EYS: variants seen among roughly 807,000 people sequenced by gnomAD.
EYS encodes the protein protein eyes shut homolog.
A neutral mutation model predicts 282.1 loss-of-function variants in EYS; 250 were observed. The observed-to-expected ratio is 0.89, with a 90% CI of 0.80 to 0.98. The LOEUF is 0.98. EYS is among the 50% of genes least tolerant of loss of function. The pLI, the probability that EYS is intolerant of heterozygous loss-of-function variation, is 0.00. For missense variants in EYS, 4,016 were observed against 3,709.0 expected, an observed-to-expected ratio of 1.08 and a Z score of -2.15; for synonymous variants, 1,355 against 1,282.9, an observed-to-expected ratio of 1.06 and a Z score of -1.20.
intron 22 of EYS, among the ~76,000 whole-genome samples, chr6:64,801,272 G>A (rs72889110): frequency 0.012 from 1,780 of 152,096 alleles, 21 homozygotes; most frequent in Non-Finnish European, 0.016. Context: ...TTGATTTAAC[G>A]AAGATACACT....
chr6:64,984,572 G>A (rs529260428), intron 14 of EYS, among the ~76,000 whole-genome samples: 23 of 151,204 alleles, frequency 1.5e-4, no homozygotes, highest in African/African-American at 4.6e-4. Context: ...ATCAATTTTC[G>A]TGTACAAGAA....
At chr6:65,120,037 A>T (rs1362413026) in intron 12 of EYS, among the ~76,000 whole-genome samples, 2 of 151,492 alleles carry the variant, frequency 1.3e-5, no homozygotes, top group African/African-American at 4.9e-5. Flanking sequence ...CTGTAGTCCC[A>T]GCTACTCAGG....
intron 2 of EYS, among the ~76,000 whole-genome samples, chr6:65,612,684 T>A (rs969377523): frequency 6.6e-6 from 1 of 151,744 alleles, no homozygotes; most frequent in African/African-American, 2.4e-5. Context: ...AATCACTCAT[T>A]CTACAGTATT....
At chr6:63,968,682 A>T (rs187440788) in intron 35 of EYS, among the ~76,000 whole-genome samples, 1 of 152,308 alleles carries the variant, frequency 6.6e-6, no homozygotes, top group Non-Finnish European at 1.5e-5. Flanking sequence ...CGAAACTCTA[A>T]TAAAAGACTC....
intron 33 of EYS, among the ~76,000 whole-genome samples, chr6:64,035,421 T>C (rs971881494): frequency 6.6e-6 from 1 of 152,146 alleles, no homozygotes; most frequent in South Asian, 2.1e-4. Context: ...AGAAAGAAAC[T>C]AGGTAGGGCA....
intron 14 of EYS, among the ~76,000 whole-genome samples, chr6:64,993,794 A>C (rs1771157004): frequency 6.6e-6 from 1 of 151,170 alleles, no homozygotes; most frequent in South Asian, 2.1e-4. Flanking sequence ...GATGAAAGTA[A>C]AGGTAGTTTT....
intron 29 of EYS, among the ~76,000 whole-genome samples, chr6:64,336,594 T>C (rs574062064): frequency 1.1e-4 from 17 of 152,106 alleles, no homozygotes; most frequent in African/African-American, 3.6e-4. Context: ...AAAGAAACAA[T>C]GGATTTAAAT....
intron 22 of EYS, among the ~76,000 whole-genome samples, chr6:64,727,819 A>T (rs1771809299): frequency 6.6e-6 from 1 of 152,244 alleles, no homozygotes; most frequent in South Asian, 2.1e-4. Flanking sequence ...GATTTTGTAA[A>T]ATAACTCAGA....
intron 26 of EYS, among the ~76,000 whole-genome samples, chr6:64,558,390 A>C (rs1051926961): frequency 1.3e-4 from 20 of 152,070 alleles, no homozygotes; most frequent in Non-Finnish European, 1.2e-4. Context: ...TCTAGAGCAA[A>C]AGGTCAGTTG....
chr6:64,307,136 A>G (rs1314035823), intron 29 of EYS, 54 bp from the exon 30 acceptor site: 5 of 942,024 alleles, frequency 5.3e-6, no homozygotes, highest in Non-Finnish European at 8.2e-6. Context: ...ATTTTCTTGA[A>G]TATATTATTC....
intron 33 of EYS, among the ~76,000 whole-genome samples, chr6:64,000,713 C>T (rs1768056867): frequency 2.0e-5 from 3 of 152,094 alleles, no homozygotes; most frequent in Non-Finnish European, 4.4e-5. Flanking sequence ...AAAGGCGCAA[C>T]TGTGGGCTGG....
intron 5 of EYS, among the ~76,000 whole-genome samples, chr6:65,479,430 T>C (rs1311101360): frequency 6.6e-6 from 1 of 152,144 alleles, no homozygotes; most frequent in Non-Finnish European, 1.5e-5. Flanking sequence ...TTATAGAACC[T>C]CAAATTTGAT....
At chr6:64,132,482 C>A (rs1000112991) in intron 31 of EYS, among the ~76,000 whole-genome samples, 2 of 151,790 alleles carry the variant, frequency 1.3e-5, no homozygotes, top group African/African-American at 4.8e-5. Context: ...TCTTTTCTTG[C>A]AAGAGTTCAT....
intron 28 of EYS, among the ~76,000 whole-genome samples, chr6:64,425,392 C>T (rs758143831): frequency 6.6e-6 from 1 of 152,064 alleles, no homozygotes; most frequent in Non-Finnish European, 1.5e-5. Context: ...TGGTGGCTCA[C>T]GCCTGTAATC....
chr6:65,208,637 A>T (rs772286370), intron 12 of EYS, among the ~76,000 whole-genome samples: 1 of 151,888 alleles, frequency 6.6e-6, no homozygotes, highest in Admixed American at 6.6e-5. Flanking sequence ...GAATGAAGTC[A>T]TTTCCTTTGC....
At chr6:65,675,736 A>G (rs1768564789) in intron 1 of EYS, among the ~76,000 whole-genome samples, 1 of 151,912 alleles carries the variant, frequency 6.6e-6, no homozygotes, top group Non-Finnish European at 1.5e-5. Context: ...GAACAACACT[A>G]TAGTCTGATT....
chr6:63,842,515 T>A (rs1771988070), intron 36 of EYS, among the ~76,000 whole-genome samples: 1 of 152,222 alleles, frequency 6.6e-6, no homozygotes, highest in South Asian at 2.1e-4. Flanking sequence ...TAGCCCTTGA[T>A]CAGATGGATA....
intron 22 of EYS, among the ~76,000 whole-genome samples, chr6:64,638,288 A>G (rs1768038091): frequency 1.1e-5 from 1 of 92,138 alleles, no homozygotes; most frequent in Non-Finnish European, 2.4e-5. Context: ...CTTATTCCTG[A>G]AAGTGTTTAG....
At chr6:65,209,185 C>T (rs1766111187) in intron 12 of EYS, among the ~76,000 whole-genome samples, 1 of 150,908 alleles carries the variant, frequency 6.6e-6, no homozygotes, top group African/African-American at 2.4e-5. Context: ...ATAGTTTTCA[C>T]AAAATGGTTG....
Sources: gnomAD v4.1 joint callset for allele counts (sites outside exome capture counted in the v4.1 genomes callset) on GRCh38, gnomAD v4.1.1 for gene constraint, MANE v1.5 for transcripts, NCBI Gene and HGNC (gene_info 2026-07-23, HGNC 2026-07-21) for gene names.